Variants in KIF26A observed in about 807,000 individuals in gnomAD.
The protein encoded by KIF26A is kinesin-like protein KIF26A.
Under a neutral mutation model 126.0 loss-of-function variants are expected in KIF26A, and 74 were observed. The ratio of observed to expected loss-of-function variants is 0.59; its 90% confidence interval spans 0.49 to 0.71. The LOEUF is 0.71. KIF26A is among the 30% of genes least tolerant of loss of function. The pLI is 0.00. For synonymous variants in KIF26A, 1,445 were observed against 1,232.7 expected (o/e 1.17, Z -3.61); for missense variants, 2,984 against 2,763.3 (o/e 1.08, Z -1.79).
rs1370623363 is a variant in KIF26A, at chr14:104,180,472, A to G, written c.*682A>G. ...ATTTTTACCAAAACCACAAGCAAAAAACAAAACAGACCACCACGACCAACA... is the reference window on the plus strand; with the variant it reads ...ATTTTTACCAAAACCACAAGCAAAAGACAAAACAGACCACCACGACCAACA... On this transcript the variant is annotated 3_prime_UTR_variant, in exon 15 of 15. Coordinates refer to ENST00000423312, the MANE Select transcript of KIF26A (RefSeq NM_015656.2). 1 of 152,196 alleles carries G rather than the reference A, an allele frequency of 6.6e-6. No individual in the cohort carries two copies. Among genetic ancestry groups the G allele is most frequent in the Non-Finnish European group, 1.5e-5 (1 of 68,046 alleles). The allele number at this position is 152,196 out of a possible 1,614,324, so 9.4% of individuals were successfully genotyped here. A position where few individuals can be genotyped will look rare whatever the true frequency, so the allele number is the denominator to read the frequency against.
At position 104,139,271 on chromosome 14, in the gene KIF26A, C is replaced by T. The variant is rs1349731128; in HGVS notation, c.271C>T (p.Pro91Ser). 2 of 1,519,994 alleles carry T rather than the reference C, an allele frequency of 1.3e-6. No individual in the cohort carries two copies. Among genetic ancestry groups the T allele is most frequent in the South Asian group, 1.3e-5 (1 of 78,912 alleles). 94.2% of individuals were successfully genotyped at this position (1,519,994 alleles called of 1,614,324 possible). Residue 91 changes from proline to serine, a missense_variant, in exon 2 of 15, where the codon CCC becomes TCC. Pro to Ser is a moderately conservative substitution (Grantham distance 74). Transcript: ENST00000423312. ...KRQAWKLVSG[P>S]GTTLRDPCLS... ...ACAGGCGTGGAAGCTGGTCAGCGGG[C>T]CCGGGACCACCCTCCGGGTAAGTGA...
rs551711103 is a variant in KIF26A at position 104,167,308 on chromosome 14, C to T, written c.1113+260C>T. Among the ~76,000 whole-genome samples the T allele has an allele frequency of 1.7e-3, 264 of 151,988 alleles. 2 individuals are homozygous for T. Among genetic ancestry groups the T allele is most frequent in the African/African-American group, 6.2e-3 (256 of 41,450 alleles). On this transcript the variant is annotated intron_variant, in intron 5 of 14. Transcript: ENST00000423312. ...GGCATGTACTAGGTTCAGCGTGGGG[C>T]GGGACAGCCAGGTCACGGGGCTCCC...
chr14:104,150,075 T>G (rs2037712441), intron 2 of KIF26A, among the ~76,000 whole-genome samples: 1 of 151,918 alleles, frequency 6.6e-6, no homozygotes, highest in African/African-American at 2.4e-5. Flanking sequence ...TCAGCAGAGC[T>G]AAGCGGGGCT....
rs994899395 is a variant in KIF26A, at chr14:104,172,978, C to T, written c.1422C>T (p.Gly474=). 1.1e-5 allele frequency: 18 copies of T among 1,586,676 alleles called. No individual in the cohort carries two copies. The highest frequency in any genetic ancestry group is 1.7e-5 in the Admixed American group (1 of 58,930). The change falls in exon 8 of 15, where the codon GGC becomes GGT. Residue 474 remains glycine, a splice_region_variant and synonymous_variant. Transcript: ENST00000423312. ...GCCTGACGCCTGCGTGGCCCCCAGG[C>T]AAGTCGTACACCATGATCGGGAAGG... ...CIFSFGHMSL[G]KSYTMIGKDS...
At chr14:104,150,464 T>TG (rs1361460693) in intron 2 of KIF26A, among the ~76,000 whole-genome samples, 10 of 151,744 alleles carry the variant, frequency 6.6e-5, no homozygotes, top group African/African-American at 2.4e-4. Context: ...GAGGTGGTCC[T>TG]GGGGGAACAT....
chr14:104,165,192 CAT>C (rs2037875179), intron 4 of KIF26A, among the ~76,000 whole-genome samples: 1 of 129,572 alleles, frequency 7.7e-6, no homozygotes, highest in Non-Finnish European at 1.6e-5. Context: ...TTTCTGTATG[CAT>C]GTGTGTGTCT....
In KIF26A at chr14:104,152,710, T is replaced by G. The variant is rs1451980525; in HGVS notation, c.735+249T>G. ...CTCTGGGAGCACGTGCCCCTCCCTG[T>G]CTGTCTTTTGAGACTGGGGCTGAGG... On this transcript the variant is annotated intron_variant, in intron 3 of 14. Coordinates refer to ENST00000423312, the MANE Select transcript of KIF26A (RefSeq NM_015656.2). The surrounding 1 kb of genome is among the most constrained non-coding windows in gnomAD (Gnocchi z 5.9). Among the ~76,000 whole-genome samples, 1 of 152,168 alleles carries G rather than the reference T, an allele frequency of 6.6e-6. No individual in the cohort carries two copies. Among genetic ancestry groups the G allele is most frequent in the Admixed American group, 6.5e-5 (1 of 15,280 alleles).
At position 104,171,845 on chromosome 14, in the gene KIF26A, C is replaced by G. The variant is rs1264776671; in HGVS notation, c.1236C>G (p.Pro412=). ...TCCTCTACGATCCCGCCGCCGGTCC[C>G]CCAGGCAGCGCAGGCCCCCGGCGAG... The part of the protein sequence containing the change: ...QVILYDPAAG[P]PGSAGPRRAA... The change falls in exon 6 of 15, where the codon CCC becomes CCG. Residue 412 remains proline, a synonymous_variant. Transcript: ENST00000423312. 6.4e-7 allele frequency: 1 copy of G among 1,556,322 alleles called. No individual in the cohort carries two copies. Among genetic ancestry groups the G allele is most frequent in the Non-Finnish European group, 8.7e-7 (1 of 1,151,190 alleles).
In KIF26A at chr14:104,151,262, G is replaced by A. The variant is rs543671977; in HGVS notation, c.289-753G>A. ...GTTCTTCTGGCTCTTGTTTTTAGCC[G>A]TTTCTAGAACCCAGTCTCAGGGTTC... On this transcript the variant is annotated intron_variant, in intron 2 of 14. Transcript: ENST00000423312. This position sits in a 1 kb window ranked among gnomAD's most constrained non-coding sequence, Gnocchi z 4.9. Among the ~76,000 whole-genome samples the A allele has an allele frequency of 1.2e-4, 19 of 152,252 alleles. No individual in the cohort carries two copies. Among genetic ancestry groups the A allele is most frequent in the African/African-American group, 1.7e-4 (7 of 41,560 alleles).
chr14:104,174,562 C>T (rs928597396), intron 11 of KIF26A, among the ~76,000 whole-genome samples: 1 of 152,188 alleles, frequency 6.6e-6, no homozygotes, highest in African/African-American at 2.4e-5. Context: ...GGCCTCACTC[C>T]AGCCTGCTGC....
chr14:104,145,750 C>T (rs557572269), intron 2 of KIF26A, among the ~76,000 whole-genome samples: 1 of 152,366 alleles, frequency 6.6e-6, no homozygotes, highest in Admixed American at 6.5e-5. Context: ...ACCCTCACCC[C>T]TGCCGCCAAC....
chr14:104,172,689 C>A, intron 7 of KIF26A, 21 bp downstream of exon 7: 1 of 1,565,624 alleles, frequency 6.4e-7, no homozygotes, highest in Non-Finnish European at 8.8e-7. Context: ...TTGCCCCACC[C>A]TAGATGGGTC....
chr14:104,174,930 C>T (rs527919906), intron 11 of KIF26A, 52 bp from the exon 12 acceptor site: 282 of 1,455,674 alleles, frequency 1.9e-4, no homozygotes, highest in African/African-American at 9.4e-4. Flanking sequence ...GTCGGGGAAG[C>T]GGGGGCGTGT....
intron 1 of KIF26A, 35 bp from the exon 2 acceptor site, chr14:104,139,008 G>A: frequency 2.3e-6 from 3 of 1,328,446 alleles, no homozygotes; most frequent in Non-Finnish European, 2.9e-6. Context: ...GGACGTCCCA[G>A]GCTCACTGTC....
chr14:104,168,615 C>T, intron 5 of KIF26A, among the ~76,000 whole-genome samples: 1 of 152,220 alleles, frequency 6.6e-6, no homozygotes, highest in East Asian at 1.9e-4. Flanking sequence ...GCCTCCCGAT[C>T]TCCCTGACTC....
intron 13 of KIF26A, among the ~76,000 whole-genome samples, chr14:104,179,019 T>C (rs11850585): frequency 0.11 from 17,446 of 152,160 alleles, 3,315 homozygotes; most frequent in African/African-American, 0.4. Context: ...CCGCTGGAAT[T>C]CTCCCCTGTC....
At position 104,178,674 on chromosome 14, in the gene KIF26A, G is replaced by C. The variant is rs746953034; in HGVS notation, c.5235G>C (p.Pro1745=). 32 of 1,560,816 alleles carry C rather than the reference G, an allele frequency of 2.1e-5. No individual in the cohort carries two copies. Among genetic ancestry groups the C allele is most frequent in the Non-Finnish European group, 2.5e-5 (29 of 1,153,244 alleles). The part of the protein sequence containing the change: ...PPPLAGSLKE[P]FEIKVYEIDD... ...CCCTGGCTGGCTCCCTGAAGGAGCC[G>C]TTCGAGATCAAGGTGTACGAGATCG... The change falls in exon 13 of 15, where the codon CCG becomes CCC. Residue 1745 remains proline (P), a synonymous_variant. Coordinates refer to ENST00000423312, the MANE Select transcript of KIF26A (RefSeq NM_015656.2).
At chr14:104,173,286 G>A (rs1490416657) in intron 8 of KIF26A, 44 bp from the exon 9 acceptor site, 1 of 1,601,428 alleles carries the variant, frequency 6.2e-7, no homozygotes. Context: ...GCTGCACTTG[G>A]CCCTGAGCCA....
chr14:104,168,267 CAGT>C (rs2037925397), intron 5 of KIF26A, among the ~76,000 whole-genome samples: 3 of 152,210 alleles, frequency 2.0e-5, no homozygotes, highest in Non-Finnish European at 2.9e-5. Context: ...GCCACGCCCT[CAGT>C]GGTGCAGTTG....
Sources: gnomAD v4.1 joint callset for allele counts (sites outside exome capture counted in the v4.1 genomes callset) on GRCh38, gnomAD v4.1.1 for gene constraint, Gnocchi (gnomAD v3.1) non-coding constraint, MANE v1.5 for transcripts, NCBI Gene and HGNC (gene_info 2026-07-23, HGNC 2026-07-21) for gene names.